Variants in GTF2A2 observed in about 807,000 individuals in gnomAD.
GTF2A2 encodes transcription initiation factor IIA subunit 2.
GTF2A2 carries 9 observed loss-of-function variants against 14.3 expected under a neutral mutation model. That is an observed-to-expected ratio of 0.63 (90% CI 0.38 to 1.10). The LOEUF is 1.10. GTF2A2 is among the 50% of genes least tolerant of loss of function. The probability of loss-of-function intolerance (pLI) is 0.01; values close to 1 mark genes in which losing one functional copy is unlikely to be tolerated. For synonymous variants in GTF2A2, 56 were observed against 46.0 expected, an observed-to-expected ratio of 1.22 and a Z score of -0.88; for missense variants, 90 against 124.6, an observed-to-expected ratio of 0.72 and a Z score of 1.32.
At chr15:59,657,004 A>G (rs1891965389) in intron 1 of GTF2A2, 1 of 152,264 alleles carries the variant, frequency 6.6e-6, no homozygotes, top group Admixed American at 6.5e-5. Context: ...TCGCACGAAG[A>G]AAGTTGGAAG....
At chr15:59,651,545 T>TA (rs1210550159) in intron 2 of GTF2A2, 1 of 152,214 alleles carries the variant, frequency 6.6e-6, no homozygotes, top group East Asian at 1.9e-4. Flanking sequence ...AATTGAAATA[T>TA]AAATTCAGAC....
At chr15:59,646,059 T>C (rs1891595901) in intron 3 of GTF2A2, among the ~76,000 whole-genome samples, 1 of 150,752 alleles carries the variant, frequency 6.6e-6, no homozygotes, top group Non-Finnish European at 1.5e-5. Flanking sequence ...AGTGTGTATA[T>C]TACTTTTTTT....
chr15:59,644,680 A>AAAAAGTGAAGTTT (rs1280041748), intron 3 of GTF2A2, among the ~76,000 whole-genome samples: 1 of 152,248 alleles, frequency 6.6e-6, no homozygotes, highest in African/African-American at 2.4e-5. Context: ...AGCTTCTCTC[A>AAAAAGTGAAGTTT]AAAAGTGAAG....
chr15:59,639,208 AT>A (rs1344196377), intron 4 of GTF2A2, 51 bp from the exon 5 acceptor site: 2 of 1,100,034 alleles, frequency 1.8e-6, no homozygotes, highest in South Asian at 2.5e-5. Context: ...GAGCAATTTA[AT>A]TTTACAATTA....
intron 4 of GTF2A2, among the ~76,000 whole-genome samples, chr15:59,639,897 G>C (rs1273683537): frequency 2.0e-5 from 3 of 151,840 alleles, no homozygotes; most frequent in South Asian, 2.1e-4. Context: ...ATTACAGGCG[G>C]GTACCACCAT....
chr15:59,650,004 ACAT>A lies in GTF2A2; in HGVS notation c.177+662_177+664del, dbSNP rs1406896700. Among the ~76,000 whole-genome samples, 3 of 152,250 alleles carry A rather than the reference ACAT, an allele frequency of 2.0e-5. No individual in the cohort carries two copies. The East Asian group carries it at 5.8e-4, about 29-fold the overall frequency. ...ATAAAGTTAGATAAATAATAAGCAAACATCATCATATATTATATGACTCCATCA... is the reference window on the plus strand; with the variant it reads ...ATAAAGTTAGATAAATAATAAGCAAACATCATATATTATATGACTCCATCA... On this transcript the variant is annotated intron_variant, in intron 3 of 4. Coordinates refer to ENST00000396060, the MANE Select transcript of GTF2A2 (RefSeq NM_004492.3).
In GTF2A2 at chr15:59,640,897, A is replaced by G. The variant is rs557630619; in HGVS notation, c.304+1239T>C. 5.3e-5 allele frequency among the ~76,000 whole-genome samples: 8 copies of G among 151,918 alleles called. No individual in the cohort carries two copies. The South Asian group carries it at 1.5e-3, about 28-fold the overall frequency. On this transcript the variant is annotated intron_variant, in intron 4 of 4. Transcript: ENST00000396060. The stretch of plus-strand genomic sequence containing the variant: ...GACAAAGATGTATCTAATGACTATA[A>G]TAAAAAGTTAACTATGCCCAAAGTT...
At chr15:59,642,489 T>C (rs1329029821) in intron 3 of GTF2A2, among the ~76,000 whole-genome samples, 1 of 152,230 alleles carries the variant, frequency 6.6e-6, no homozygotes, top group Non-Finnish European at 1.5e-5. Context: ...TTAGTCTGCA[T>C]TGCAAATTAC....
At chr15:59,648,664 G>A (rs1436663915) in intron 3 of GTF2A2, among the ~76,000 whole-genome samples, 1 of 152,104 alleles carries the variant, frequency 6.6e-6, no homozygotes, top group Non-Finnish European at 1.5e-5. Context: ...GCCGGGCGCA[G>A]TGGCTCAAGC....
intron 4 of GTF2A2, among the ~76,000 whole-genome samples, chr15:59,639,748 G>A (rs771194425): frequency 9.9e-5 from 15 of 150,974 alleles, no homozygotes; most frequent in East Asian, 4.0e-4. Flanking sequence ...GTGAGCCACC[G>A]TGCCTGGCAA....
chr15:59,656,653 A>T (rs1458983935), intron 1 of GTF2A2, among the ~76,000 whole-genome samples: 2 of 152,102 alleles, frequency 1.3e-5, no homozygotes, highest in Non-Finnish European at 2.9e-5. Context: ...GGGAGGGGAG[A>T]GGGGGTTAAA....
chr15:59,647,263 G>A (rs1367429723), intron 3 of GTF2A2, among the ~76,000 whole-genome samples: 1 of 151,726 alleles, frequency 6.6e-6, no homozygotes, highest in African/African-American at 2.4e-5. Context: ...CAGCTACTTT[G>A]TTTGTTTTGT....
intron 3 of GTF2A2, among the ~76,000 whole-genome samples, chr15:59,648,928 T>C (rs900663196): frequency 6.6e-6 from 1 of 152,022 alleles, no homozygotes; most frequent in Non-Finnish European, 1.5e-5. Context: ...AGCAAGACTC[T>C]GTCTCAAAAA....
At chr15:59,649,126 T>G (rs1891711977) in intron 3 of GTF2A2, among the ~76,000 whole-genome samples, 1 of 152,214 alleles carries the variant, frequency 6.6e-6, no homozygotes, top group Non-Finnish European at 1.5e-5. Flanking sequence ...TCTTTTGTCT[T>G]GGCCATATGC....
intron 3 of GTF2A2, among the ~76,000 whole-genome samples, chr15:59,645,058 G>C (rs1474616410): frequency 6.6e-6 from 1 of 152,122 alleles, no homozygotes; most frequent in Non-Finnish European, 1.5e-5. Context: ...GAAATGGAGA[G>C]ACTTTTAAAG....
chr15:59,643,595 C>CTTTTTTTT (rs34047348), intron 3 of GTF2A2, among the ~76,000 whole-genome samples: 1 of 109,828 alleles, frequency 9.1e-6, no homozygotes, highest in Non-Finnish European at 1.9e-5. Flanking sequence ...GAAATTTTTA[C>CTTTTTTTT]TTTTTTTTTT....
At chr15:59,639,221 C>G in intron 4 of GTF2A2, 64 bp from the exon 5 acceptor site, 1 of 992,158 alleles carries the variant, frequency 1.0e-6, no homozygotes, top group East Asian at 2.4e-5. Context: ...TTACAATTAA[C>G]TATTTTAAGA....
intron 2 of GTF2A2, chr15:59,651,170 GT>G (rs757486998): frequency 5.7e-3 from 803 of 141,852 alleles, no homozygotes; most frequent in African/African-American, 0.015. Flanking sequence ...TACTTAATAT[GT>G]TTTTTTTTTT....
intron 3 of GTF2A2, among the ~76,000 whole-genome samples, chr15:59,645,075 C>T (rs759750829): frequency 6.6e-5 from 10 of 151,982 alleles, no homozygotes; most frequent in African/African-American, 1.5e-4. Context: ...AAAGTAGGAC[C>T]GGTAGGAATG....
Sources: gnomAD v4.1 joint callset for allele counts (sites outside exome capture counted in the v4.1 genomes callset) on GRCh38, gnomAD v4.1.1 for gene constraint, MANE v1.5 for transcripts, NCBI Gene and HGNC (gene_info 2026-07-23, HGNC 2026-07-21) for gene names.